SPTBN4: variants seen among roughly 807,000 people sequenced by gnomAD.
SPTBN4 encodes spectrin beta chain, non-erythrocytic 4.
Under a neutral mutation model 277.8 loss-of-function variants are expected in SPTBN4, and 96 were observed. That is an observed-to-expected ratio of 0.35 (90% CI 0.29 to 0.41). The LOEUF is 0.41. SPTBN4 is among the 10% of genes least tolerant of loss of function. The pLI, the probability that SPTBN4 is intolerant of heterozygous loss-of-function variation, is 1.00. For missense variants in SPTBN4, 3,006 were observed against 3,595.7 expected (o/e 0.84, Z 4.19); for synonymous variants, 1,481 against 1,580.3 (o/e 0.94, Z 1.49).
At position 40,490,435 on chromosome 19, in the gene SPTBN4, G is replaced by T. The variant is rs2080124620; in HGVS notation, c.495+187G>T. On this transcript the variant is annotated intron_variant, in intron 4 of 35. Transcript: ENST00000598249. This position sits in a 1 kb window ranked among gnomAD's most constrained non-coding sequence, Gnocchi z 4.3. Reference sequence around the variant, plus strand: ...TCACCACCATCACGATAATCATTTTGTATCGACCCTGTTCCAAACACTGTT... The same window carrying T: ...TCACCACCATCACGATAATCATTTTTTATCGACCCTGTTCCAAACACTGTT... Among the ~76,000 whole-genome samples the T allele has an allele frequency of 6.6e-6, 1 of 152,146 alleles. No individual in the cohort carries two copies. Among genetic ancestry groups the T allele is most frequent in the African/African-American group, 2.4e-5 (1 of 41,432 alleles).
At position 40,566,153 on chromosome 19, in the gene SPTBN4, CCCT is replaced by C. The variant is rs766425407; in HGVS notation, c.6140-5_6140-3del. The C allele has an allele frequency of 1.9e-5, 28 of 1,496,752 alleles. No homozygotes were observed. The African/African-American group carries it at 3.9e-4, about 21-fold the overall frequency. 92.7% of individuals were successfully genotyped at this position (1,496,752 alleles called of 1,614,324 possible). On this transcript the variant is annotated splice_polypyrimidine_tract_variant and splice_region_variant and intron_variant, in intron 29 of 35. Coordinates refer to ENST00000598249, the MANE Select transcript of SPTBN4 (RefSeq NM_020971.3). ...GCCCCAGAATCCTTACCCTGCATGC[CCCT>C]CCTCAGTGCTGGAGGTGCACCAGTT...
In SPTBN4 at chr19:40,548,620, C is replaced by T. The variant is rs561025204; in HGVS notation, c.4360-569C>T. Among the ~76,000 whole-genome samples the T allele has an allele frequency of 7.3e-5, 11 of 151,450 alleles. No homozygotes were observed. The South Asian group carries it at 2.1e-3, about 29-fold the overall frequency. On this transcript the variant is annotated intron_variant, in intron 20 of 35. Transcript: ENST00000598249. ...ATCCCAGCTACTCAGGAGGCTGAGG[C>T]GGGAGAATCACTTGAAGCCAGGAGG...
intron 20 of SPTBN4, among the ~76,000 whole-genome samples, chr19:40,538,580 T>C (rs921483176): frequency 6.6e-6 from 1 of 152,078 alleles, no homozygotes; most frequent in African/African-American, 2.4e-5. Context: ...TGCCCTACTA[T>C]TGATGTCTTG....
At chr19:40,527,598 TG>T (rs1214847373) in intron 17 of SPTBN4, among the ~76,000 whole-genome samples, 1 of 152,144 alleles carries the variant, frequency 6.6e-6, no homozygotes, top group Non-Finnish European at 1.5e-5. Flanking sequence ...GAGTAGATGT[TG>T]GGGGAAGGAG....
intron 30 of SPTBN4, among the ~76,000 whole-genome samples, chr19:40,567,411 C>G (rs752661536): frequency 7.2e-5 from 11 of 152,198 alleles, no homozygotes; most frequent in Non-Finnish European, 7.4e-5. Context: ...GCACGCAGAG[C>G]AATTGATTTA....
chr19:40,488,016 CTG>C lies in SPTBN4; in HGVS notation c.321+171_321+172del, dbSNP rs549697270. On this transcript the variant is annotated intron_variant, in intron 3 of 35. Transcript: ENST00000598249. ...GGTCCCTCTACTCGGGTGTGTGGGG[CTG>C]TGGCGCTGGGGCGGAGCTTGGTCGT... Among the ~76,000 whole-genome samples the C allele has an allele frequency of 1.4e-4, 22 of 152,208 alleles. No individual in the cohort carries two copies. The South Asian group carries it at 4.6e-3, about 32-fold the overall frequency.
At chr19:40,534,418 G>T in intron 20 of SPTBN4, 75 bp downstream of exon 20, 1 of 1,531,548 alleles carries the variant, frequency 6.5e-7, no homozygotes, top group Non-Finnish European at 8.8e-7. Flanking sequence ...CCCACTCAAG[G>T]TATGTCAAGT....
chr19:40,574,124 CAAAA>C (rs1339711369), intron 35 of SPTBN4, among the ~76,000 whole-genome samples: 1 of 150,792 alleles, frequency 6.6e-6, no homozygotes, highest in African/African-American at 2.4e-5. Context: ...ACAAACAAAA[CAAAA>C]CAAAACAAAA....
chr19:40,500,712 T>C (rs814524), intron 7 of SPTBN4, among the ~76,000 whole-genome samples: 27,435 of 151,776 alleles, frequency 0.18, 3,115 homozygotes, highest in African/African-American at 0.32. Context: ...CCGGGCGTGG[T>C]GGTGTGTGCC....
chr19:40,547,047 T>C (rs2145920349), intron 20 of SPTBN4, among the ~76,000 whole-genome samples: 1 of 152,312 alleles, frequency 6.6e-6, no homozygotes, highest in South Asian at 2.1e-4. Context: ...TTTTTAATTA[T>C]ACTTTAAATT....
Position 40,479,851 on chromosome 19 carries a change from G to A in SPTBN4, c.169+7061G>A, listed in dbSNP as rs114974165. ...GTGTGGTGACTCATGCCTGTAATCCGAGTGCGTTGGGAAACTGAGGCATGA... is the reference window on the plus strand; with the variant it reads ...GTGTGGTGACTCATGCCTGTAATCCAAGTGCGTTGGGAAACTGAGGCATGA... On this transcript the variant is annotated intron_variant, in intron 2 of 35. Transcript: ENST00000598249. Among the ~76,000 whole-genome samples, 574 of 151,234 alleles carry A rather than the reference G, an allele frequency of 3.8e-3. 5 individuals are homozygous for A. Among genetic ancestry groups the A allele is most frequent in the African/African-American group, 0.012 (503 of 41,176 alleles).
At chr19:40,558,113 A>G (rs986823381) in intron 26 of SPTBN4, among the ~76,000 whole-genome samples, 1 of 151,672 alleles carries the variant, frequency 6.6e-6, no homozygotes, top group Admixed American at 6.6e-5. Context: ...TAATCCCAAC[A>G]CTTTGGGAGG....
Position 40,554,536 on chromosome 19 carries a change from G to A in SPTBN4, c.4974G>A (p.Gln1658=). 2 of 1,489,474 alleles carry A rather than the reference G, an allele frequency of 1.3e-6. No homozygotes were observed. Among genetic ancestry groups the A allele is most frequent in the East Asian group, 4.8e-5 (2 of 41,442 alleles). The allele number at this position is 1,489,474 out of a possible 1,614,324, so 92.3% of individuals were successfully genotyped here. ...CCCAGGACGAACAGAGCACCCTGCA[G>A]CTGCTCAAGAAACACCTGCAGCTGG... ...DKGKDEQSTL[Q]LLKKHLQLEQ... The change falls in exon 24 of 36, where the codon CAG becomes CAA. Residue 1658 remains glutamine (Q), a synonymous_variant. Coordinates refer to ENST00000598249, the MANE Select transcript of SPTBN4 (RefSeq NM_020971.3). The surrounding 1 kb of genome is among the most constrained non-coding windows in gnomAD (Gnocchi z 5.7).
rs2079831668 is a variant in SPTBN4, at chr19:40,467,065, T to A, written c.-256T>A. 6.7e-6 allele frequency among the ~76,000 whole-genome samples: 1 copy of A among 150,352 alleles called. No individual in the cohort carries two copies. Among genetic ancestry groups the A allele is most frequent in the Non-Finnish European group, 1.5e-5 (1 of 67,484 alleles). On this transcript the variant is annotated 5_prime_UTR_variant, in exon 1 of 36. Coordinates refer to ENST00000598249, the MANE Select transcript of SPTBN4 (RefSeq NM_020971.3). ...GGCCGGGTGTGACTGCGCGTGGGCC[T>A]CGGGCGGCGGGGCGCGGGGACCGCG...
chr19:40,510,453 C>T (rs955475013), intron 13 of SPTBN4, among the ~76,000 whole-genome samples: 4 of 152,114 alleles, frequency 2.6e-5, no homozygotes, highest in South Asian at 2.1e-4. Context: ...TACAGGTGCA[C>T]GCCACCATGC....
chr19:40,572,828 C>T (rs2081167697), intron 35 of SPTBN4, among the ~76,000 whole-genome samples: 1 of 152,136 alleles, frequency 6.6e-6, no homozygotes, highest in Non-Finnish European at 1.5e-5. Flanking sequence ...GGCATGGTGG[C>T]AGGTGCCTTA....
chr19:40,503,917 C>A lies in SPTBN4; in HGVS notation c.1450C>A (p.Arg484=). 1 of 1,613,648 alleles carries A rather than the reference C, an allele frequency of 6.2e-7. No homozygotes were observed. Among genetic ancestry groups the A allele is most frequent in the Non-Finnish European group, 8.5e-7 (1 of 1,179,762 alleles). The change falls in exon 12 of 36, where the codon CGG becomes AGG. Residue 484 remains arginine, a synonymous_variant. Coordinates refer to ENST00000598249, the MANE Select transcript of SPTBN4 (RefSeq NM_020971.3). ...IEADIAAYEE[R]VQGVAELAQA... ...GGCAGACATTGCGGCCTACGAGGAG[C>A]GGGTGCAGGGTGTGGCGGAGCTGGC...
intron 4 of SPTBN4, among the ~76,000 whole-genome samples, chr19:40,491,867 A>G (rs1232416244): frequency 1.3e-5 from 2 of 151,784 alleles, no homozygotes; most frequent in Non-Finnish European, 2.9e-5. Flanking sequence ...TACTAAAAAT[A>G]CCAAATTAGC....
intron 20 of SPTBN4, among the ~76,000 whole-genome samples, chr19:40,544,662 A>G (rs1410948375): frequency 6.6e-6 from 1 of 151,366 alleles, no homozygotes; most frequent in African/African-American, 2.4e-5. Context: ...TTGGCCAGGC[A>G]GGTCTCAAAC....
Sources: allele counts gnomAD v4.1 joint callset (sites outside exome capture counted in the v4.1 genomes callset), GRCh38; gene constraint gnomAD v4.1.1; non-coding constraint Gnocchi (gnomAD v3.1); transcripts MANE v1.5; gene names NCBI Gene and HGNC (gene_info 2026-07-23, HGNC 2026-07-21).